The following PPP3CA variants were observed in gnomAD, a reference collection of about 807,000 sequenced individuals.
PPP3CA encodes protein phosphatase 3 catalytic subunit alpha, also known as CAM-PRP catalytic subunit.
A neutral mutation model predicts 66.5 loss-of-function variants in PPP3CA; 14 were observed. The observed-to-expected ratio is 0.21, with a 90% CI of 0.14 to 0.33. PPP3CA has a LOEUF of 0.33. Among genes scored for constraint, PPP3CA ranks in the 10% least tolerant of loss-of-function variants. The probability of loss-of-function intolerance (pLI) is 1.00; values close to 1 mark genes in which losing one functional copy is unlikely to be tolerated. For synonymous variants in PPP3CA, 232 were observed against 226.2 expected (o/e 1.03, Z -0.23); for missense variants, 317 against 639.5 (o/e 0.50, Z 5.44).
intron 13 of PPP3CA, among the ~76,000 whole-genome samples, chr4:101,027,081 A>G (rs1578383755): frequency 1.3e-5 from 2 of 152,282 alleles, no homozygotes; most frequent in African/African-American, 4.8e-5. Context: ...GAGTACACCA[A>G]CTGGTGAGCT....
At chr4:101,269,552 A>ATG (rs1727269116) in intron 1 of PPP3CA, among the ~76,000 whole-genome samples, 1 of 89,630 alleles carries the variant, frequency 1.1e-5, no homozygotes, top group Non-Finnish European at 2.5e-5. Flanking sequence ...CAAACAAGGA[A>ATG]CGTGTGTGTG....
chr4:101,319,468 T>C (rs138729112), intron 1 of PPP3CA, among the ~76,000 whole-genome samples: 24 of 152,246 alleles, frequency 1.6e-4, no homozygotes, highest in Non-Finnish European at 2.9e-4. Context: ...AATCTAATGT[T>C]ATTCAAGAGT....
intron 1 of PPP3CA, among the ~76,000 whole-genome samples, chr4:101,258,081 T>A (rs993702713): frequency 1.3e-5 from 2 of 152,038 alleles, no homozygotes; most frequent in African/African-American, 4.8e-5. Context: ...ATTCCAGTAG[T>A]AGTAAAGCAT....
chr4:101,113,654 A>T (rs1343235645), intron 2 of PPP3CA, among the ~76,000 whole-genome samples: 3 of 152,104 alleles, frequency 2.0e-5, no homozygotes, highest in Non-Finnish European at 4.4e-5. Context: ...CTCATTCACC[A>T]TTTTGATATC....
intron 1 of PPP3CA, among the ~76,000 whole-genome samples, chr4:101,221,558 A>G (rs943160463): frequency 3.3e-5 from 5 of 151,604 alleles, no homozygotes; most frequent in Non-Finnish European, 7.4e-5. Context: ...AATTCCATTC[A>G]CTTCGCTAAA....
At chr4:101,101,332 AAG>A (rs1233496639) in intron 3 of PPP3CA, among the ~76,000 whole-genome samples, 1 of 152,158 alleles carries the variant, frequency 6.6e-6, no homozygotes, top group African/African-American at 2.4e-5. Flanking sequence ...TTTCAATAAA[AAG>A]AGTTTGTATT....
chr4:101,254,256 G>C (rs1488546895), intron 1 of PPP3CA, among the ~76,000 whole-genome samples: 2 of 151,938 alleles, frequency 1.3e-5, no homozygotes, highest in Non-Finnish European at 2.9e-5. Context: ...TCTGCATTCA[G>C]CAAGAGAAGC....
At chr4:101,295,521 C>T (rs1003868213) in intron 1 of PPP3CA, among the ~76,000 whole-genome samples, 4 of 152,244 alleles carry the variant, frequency 2.6e-5, no homozygotes, top group Non-Finnish European at 4.4e-5. Flanking sequence ...TCTTAACCTT[C>T]TTTTTGGAAA....
chr4:101,275,000 C>T (rs1193505956), intron 1 of PPP3CA, among the ~76,000 whole-genome samples: 1 of 152,072 alleles, frequency 6.6e-6, no homozygotes, highest in Non-Finnish European at 1.5e-5. Flanking sequence ...TTCAAAAGTT[C>T]AAAAATGAAA....
intron 1 of PPP3CA, among the ~76,000 whole-genome samples, chr4:101,251,159 A>G (rs1035435061): frequency 3.3e-5 from 5 of 152,078 alleles, no homozygotes; most frequent in Non-Finnish European, 5.9e-5. Context: ...ATGGGCTCAT[A>G]AAATTATATC....
chr4:101,163,183 G>A (rs1050563919), intron 2 of PPP3CA, among the ~76,000 whole-genome samples: 1 of 152,168 alleles, frequency 6.6e-6, no homozygotes, highest in African/African-American at 2.4e-5. Context: ...CTGCATTTGT[G>A]CATGGCAGTT....
rs1730739088 is a variant in PPP3CA at position 101,106,460 on chromosome 4, GAAAA to G, written c.384+2490_384+2493del. 2.1e-4 allele frequency among the ~76,000 whole-genome samples: 5 copies of G among 23,462 alleles called. 1 individual carries two copies. The highest frequency in any genetic ancestry group is 9.4e-4 in the African/African-American group (5 of 5,294). 15.4% of individuals were successfully genotyped at this position (23,462 alleles called of 152,430 possible). On this transcript the variant is annotated intron_variant, in intron 3 of 13. Coordinates refer to ENST00000394854, the MANE Select transcript of PPP3CA (RefSeq NM_000944.5). ...AAGAAAGAAAGAAAGAAAGAGAAAA[GAAAA>G]GAAAAGAAAAGAAAAGAAAAGAAAA...
intron 10 of PPP3CA, among the ~76,000 whole-genome samples, chr4:101,054,407 A>G (rs1409577001): frequency 3.0e-4 from 46 of 152,094 alleles, no homozygotes; most frequent in Non-Finnish European, 5.9e-5. Context: ...TGACTATTTG[A>G]AAGTAATGAT....
chr4:101,237,835 G>C (rs992907898), intron 1 of PPP3CA, among the ~76,000 whole-genome samples: 15 of 151,996 alleles, frequency 9.9e-5, no homozygotes, highest in Non-Finnish European at 1.8e-4. Context: ...TGACTTTTAG[G>C]AGTATTAGCT....
chr4:101,293,053 T>C (rs1424345679), intron 1 of PPP3CA, among the ~76,000 whole-genome samples: 1 of 152,194 alleles, frequency 6.6e-6, no homozygotes, highest in East Asian at 1.9e-4. Context: ...ATTGTACTCT[T>C]AGTGTTACGG....
chr4:101,317,315 A>G (rs1365268639), intron 1 of PPP3CA, among the ~76,000 whole-genome samples: 2 of 149,140 alleles, frequency 1.3e-5, no homozygotes, highest in Non-Finnish European at 2.9e-5. Context: ...AATTTCTCCA[A>G]TAGTAAAGTG....
At chr4:101,042,437 A>G (rs1727565925) in intron 10 of PPP3CA, among the ~76,000 whole-genome samples, 1 of 152,090 alleles carries the variant, frequency 6.6e-6, no homozygotes. Flanking sequence ...CAACATATCC[A>G]ATGGGAAGGA....
At chr4:101,106,450 A>AAAGAAAGAAAGAAAGAAAGAAAGAAAG (rs751759518) in intron 3 of PPP3CA, among the ~76,000 whole-genome samples, 269 of 11,116 alleles carry the variant, frequency 0.024, 63 homozygotes, top group Middle Eastern at 0.067. Context: ...AGAAAGAAAG[A>AAAGAAAGAAAGAAAGAAAGAAAGAAAG]AAGAGAAAAG....
intron 2 of PPP3CA, among the ~76,000 whole-genome samples, chr4:101,169,416 C>A (rs1454232146): frequency 6.6e-6 from 1 of 152,134 alleles, no homozygotes; most frequent in Non-Finnish European, 1.5e-5. Context: ...CCAGAGGGCG[C>A]TATTTACCAG....
Sources: gnomAD v4.1 joint callset for allele counts (sites outside exome capture counted in the v4.1 genomes callset) on GRCh38, gnomAD v4.1.1 for gene constraint, MANE v1.5 for transcripts, NCBI Gene and HGNC (gene_info 2026-07-23, HGNC 2026-07-21) for gene names.